Variants in CSMD1 observed in about 807,000 individuals in gnomAD.
CSMD1 encodes the protein CUB and sushi domain-containing protein 1.
In CSMD1, 213 loss-of-function variants were observed where a neutral mutation model predicts 417.5. That is an observed-to-expected ratio of 0.51 (90% CI 0.46 to 0.57). CSMD1 has a LOEUF of 0.57. Ranked by LOEUF, CSMD1 falls within the 20% of genes least tolerant of loss-of-function variation. The pLI is 0.00. For missense variants in CSMD1, 6,923 were observed against 4,529.7 expected, an observed-to-expected ratio of 1.53 and a Z score of -15.17; for synonymous variants, 2,862 against 1,736.8, an observed-to-expected ratio of 1.65 and a Z score of -16.11.
At chr8:4,220,198 G>T (rs532663248) in intron 3 of CSMD1, among the ~76,000 whole-genome samples, 1 of 152,188 alleles carries the variant, frequency 6.6e-6, no homozygotes, top group Non-Finnish European at 1.5e-5. Flanking sequence ...TGATGTGCTC[G>T]CCTTCGCCTC....
intron 7 of CSMD1, among the ~76,000 whole-genome samples, chr8:3,644,332 C>G (rs1462527062): frequency 1.3e-5 from 2 of 152,146 alleles, no homozygotes; most frequent in African/African-American, 4.8e-5. Context: ...GTCTTAGAGG[C>G]AAATGGCCTT....
chr8:3,514,172 G>T (rs558564350), intron 10 of CSMD1, among the ~76,000 whole-genome samples: 2 of 152,136 alleles, frequency 1.3e-5, no homozygotes, highest in African/African-American at 4.8e-5. Context: ...GTCATAGCTT[G>T]TTCCCCAATC....
intron 1 of CSMD1, among the ~76,000 whole-genome samples, chr8:4,881,285 C>A (rs186897848): frequency 7.0e-4 from 106 of 152,102 alleles, no homozygotes; most frequent in African/African-American, 2.1e-3. Flanking sequence ...CAGACTGTGC[C>A]CTCTACAAGG....
chr8:3,561,765 A>G (rs1159707979), intron 10 of CSMD1, among the ~76,000 whole-genome samples: 1 of 152,130 alleles, frequency 6.6e-6, no homozygotes, highest in Non-Finnish European at 1.5e-5. Context: ...TACCCGCTTT[A>G]AAAAATTTAA....
chr8:3,836,623 G>A (rs556447987), intron 5 of CSMD1, among the ~76,000 whole-genome samples: 37 of 152,172 alleles, frequency 2.4e-4, no homozygotes, highest in African/African-American at 8.9e-4. Context: ...AATGGTATTT[G>A]ACCTGAATCA....
intron 7 of CSMD1, among the ~76,000 whole-genome samples, chr8:3,621,674 C>G (rs1042467420): frequency 5.3e-5 from 8 of 151,974 alleles, no homozygotes; most frequent in Admixed American, 3.9e-4. Context: ...CTCACTGCAG[C>G]CTTCGTCTTC....
At chr8:4,351,184 T>G (rs1801071266) in intron 3 of CSMD1, among the ~76,000 whole-genome samples, 1 of 151,792 alleles carries the variant, frequency 6.6e-6, no homozygotes, top group African/African-American at 2.4e-5. Context: ...AAAGAACAAA[T>G]GACTTCTAGG....
chr8:3,458,740 G>T (rs1408443373), intron 12 of CSMD1, among the ~76,000 whole-genome samples: 1 of 152,072 alleles, frequency 6.6e-6, no homozygotes, highest in African/African-American at 2.4e-5. Flanking sequence ...TTTGTAAATG[G>T]CTCTTAATAT....
chr8:4,753,403 CCACACACA>C (rs71209121), intron 1 of CSMD1, among the ~76,000 whole-genome samples: 2,811 of 137,856 alleles, frequency 0.02, 41 homozygotes, highest in African/African-American at 0.035. Flanking sequence ...CCACCATAAA[CCACACACA>C]CACACACACA....
chr8:4,285,848 G>T (rs1019789078), intron 3 of CSMD1, among the ~76,000 whole-genome samples: 6 of 152,108 alleles, frequency 3.9e-5, no homozygotes, highest in Admixed American at 3.9e-4. Flanking sequence ...ATTTTAATCA[G>T]GAACAAAATC....
chr8:3,704,578 C>A (rs77085735), intron 7 of CSMD1, among the ~76,000 whole-genome samples: 1,648 of 152,310 alleles, frequency 0.011, 29 homozygotes, highest in African/African-American at 0.032. Context: ...ATTCAGCTGT[C>A]AAAGCAGCAA....
chr8:4,776,243 C>T (rs987363373), intron 1 of CSMD1, among the ~76,000 whole-genome samples: 2 of 152,106 alleles, frequency 1.3e-5, no homozygotes, highest in African/African-American at 2.4e-5. Context: ...TATAGAGAAA[C>T]ATGGAGTTCA....
intron 2 of CSMD1, among the ~76,000 whole-genome samples, chr8:4,446,946 A>G (rs924958477): frequency 1.3e-5 from 2 of 151,618 alleles, no homozygotes; most frequent in African/African-American, 4.9e-5. Flanking sequence ...TAAAAAAAAA[A>G]AAAACATTGG....
chr8:3,230,425 G>C (rs988880248), intron 26 of CSMD1, among the ~76,000 whole-genome samples, 194 bp from the exon 27 acceptor site: 1 of 152,134 alleles, frequency 6.6e-6, no homozygotes, highest in Admixed American at 6.5e-5. Context: ...TGCTTGCATT[G>C]CATAAACTCT....
chr8:4,517,756 G>C (rs927342389), intron 2 of CSMD1, among the ~76,000 whole-genome samples: 1 of 152,138 alleles, frequency 6.6e-6, no homozygotes, highest in Non-Finnish European at 1.5e-5. Flanking sequence ...AATGCTTCAA[G>C]TAATGGCTAC....
At chr8:3,772,189 TACACACACACAC>T (rs66499504) in intron 5 of CSMD1, among the ~76,000 whole-genome samples, 2 of 100,920 alleles carry the variant, frequency 2.0e-5, no homozygotes, top group South Asian at 3.5e-4. Flanking sequence ...TATATATATA[TACACACACACAC>T]ACACACACAC....
At chr8:4,150,312 G>T (rs1169122212) in intron 3 of CSMD1, among the ~76,000 whole-genome samples, 2 of 152,096 alleles carry the variant, frequency 1.3e-5, no homozygotes, top group Non-Finnish European at 2.9e-5. Flanking sequence ...TCCCTGTTAG[G>T]AAGGACATCT....
intron 12 of CSMD1, among the ~76,000 whole-genome samples, chr8:3,447,489 G>A (rs1815374882): frequency 6.6e-6 from 1 of 152,182 alleles, no homozygotes; most frequent in Admixed American, 6.5e-5. Context: ...ATATTGCAGA[G>A]GAATGGGAAG....
intron 5 of CSMD1, among the ~76,000 whole-genome samples, chr8:3,774,456 G>A (rs1348486708): frequency 6.6e-6 from 1 of 152,140 alleles, no homozygotes; most frequent in South Asian, 2.1e-4. Context: ...CCTAATGTGT[G>A]CTTTGTTGCC....
Sources: allele counts gnomAD v4.1 joint callset (sites outside exome capture counted in the v4.1 genomes callset), GRCh38; gene constraint gnomAD v4.1.1; transcripts MANE v1.5; gene names NCBI Gene and HGNC (gene_info 2026-07-23, HGNC 2026-07-21).